The following ZWILCH variants were observed in gnomAD, a reference collection of about 807,000 sequenced individuals.
ZWILCH encodes protein zwilch homolog.
ZWILCH carries 74 observed loss-of-function variants against 79.9 expected under a neutral mutation model. That is an observed-to-expected ratio of 0.93 (90% CI 0.77 to 1.12). ZWILCH has a LOEUF of 1.12. Ranked by LOEUF, ZWILCH falls within the 50% of genes most tolerant of loss-of-function variation. The pLI, the probability that ZWILCH is intolerant of heterozygous loss-of-function variation, is 0.00. For missense variants in ZWILCH, 694 were observed against 687.5 expected (o/e 1.01, Z -0.11); for synonymous variants, 241 against 228.2 (o/e 1.06, Z -0.51).
chr15:66,519,062 T>C lies in ZWILCH; in HGVS notation c.504T>C (p.Tyr168=). The change falls in exon 5 of 19, where the codon TAT becomes TAC. Residue 168 remains tyrosine (Y), a synonymous_variant. Transcript: ENST00000307897. ...TNNSITGIVL[Y]VVSCKADKNY... ...ACAGCATTACAGGAATTGTCTTATA[T>C]GTGGTCAGTTGTAAAGGTGAGTGCT... The C allele has an allele frequency of 6.2e-7, 1 of 1,614,206 alleles. No homozygotes were observed. The highest frequency in any genetic ancestry group is 2.2e-5 in the East Asian group (1 of 44,888).
At chr15:66,513,212 T>A (rs746282826) in intron 2 of ZWILCH, among the ~76,000 whole-genome samples, 2 of 152,204 alleles carry the variant, frequency 1.3e-5, no homozygotes, top group Non-Finnish European at 2.9e-5. Context: ...ATTACAGGCG[T>A]GAGCTACTGT....
intron 5 of ZWILCH, among the ~76,000 whole-genome samples, chr15:66,519,447 T>C (rs1254982501): frequency 6.6e-6 from 1 of 152,228 alleles, no homozygotes; most frequent in African/African-American, 2.4e-5. Flanking sequence ...TTATTTTTTA[T>C]TTGTGTTTAT....
intron 17 of ZWILCH, among the ~76,000 whole-genome samples, 158 bp downstream of exon 17, chr15:66,540,368 A>G (rs1895155547): frequency 6.6e-6 from 1 of 152,114 alleles, no homozygotes; most frequent in Non-Finnish European, 1.5e-5. Flanking sequence ...CCTGGCCAAC[A>G]TGGTGAAACC....
intron 1 of ZWILCH, among the ~76,000 whole-genome samples, chr15:66,506,865 T>C (rs1893847277): frequency 6.6e-6 from 1 of 151,408 alleles, no homozygotes; most frequent in Admixed American, 6.6e-5. Flanking sequence ...TAGACCCTTT[T>C]TTTTTTTTTT....
chr15:66,509,298 C>G (rs923574651), intron 2 of ZWILCH, among the ~76,000 whole-genome samples: 1 of 152,158 alleles, frequency 6.6e-6, no homozygotes, highest in Non-Finnish European at 1.5e-5. Flanking sequence ...TATTTCTATC[C>G]TCTCCAAAAA....
At chr15:66,546,733 T>A (rs1003168015) in intron 18 of ZWILCH, 28 bp downstream of exon 18, 5 of 1,301,570 alleles carry the variant, frequency 3.8e-6, no homozygotes, top group Non-Finnish European at 5.3e-6. Flanking sequence ...TTAGTCTCTT[T>A]GTCAAATACT....
chr15:66,528,808 T>TA (rs144106132), intron 10 of ZWILCH, 44 bp from the exon 11 acceptor site: 35,770 of 1,094,948 alleles, frequency 0.033, 183 homozygotes, highest in African/African-American at 0.098. Flanking sequence ...TTATTTCACT[T>TA]AAAAAAAAAA....
chr15:66,539,132 C>G (rs1246248972), intron 16 of ZWILCH, among the ~76,000 whole-genome samples: 3 of 152,242 alleles, frequency 2.0e-5, no homozygotes, highest in African/African-American at 7.2e-5. Context: ...CATCATTAAT[C>G]TCTATCTAAT....
rs751028896 is a variant in ZWILCH at position 66,532,366 on chromosome 15, G to C, written c.1275G>C (p.Leu425Phe). The change falls in exon 13 of 19, where the codon TTG (leucine) becomes TTC (phenylalanine). Residue 425 changes from leucine (L) to phenylalanine (F), a missense_variant. Physicochemically the swap from Leu to Phe is conservative, Grantham distance 22. Coordinates refer to ENST00000307897, the MANE Select transcript of ZWILCH (RefSeq NM_017975.5). ...IPVQMLLEIG[L>F]DKLKKDYISF... is the part of the protein sequence containing the mutation. Reference sequence around the variant, plus strand: ...TTCAAATGCTTTTGGAAATTGGTTTGGACAAACTAAAGAAAGATTATATCA... The same window carrying C: ...TTCAAATGCTTTTGGAAATTGGTTTCGACAAACTAAAGAAAGATTATATCA... 2 of 1,609,704 alleles carry C rather than the reference G, an allele frequency of 1.2e-6. No individual in the cohort carries two copies. The highest frequency in any genetic ancestry group is 1.7e-5 in the Admixed American group (1 of 59,272).
At chr15:66,531,245 C>T (rs1001784906) in intron 12 of ZWILCH, among the ~76,000 whole-genome samples, 1 of 152,094 alleles carries the variant, frequency 6.6e-6, no homozygotes. Context: ...GCTTGTTTAA[C>T]TGCAGCAGCA....
Position 66,548,625 on chromosome 15 carries a change from G to T in ZWILCH, c.*301G>T, listed in dbSNP as rs566134777. The T allele has an allele frequency of 7.9e-7, 1 of 1,260,038 alleles. No individual in the cohort carries two copies. Among genetic ancestry groups the T allele is most frequent in the Non-Finnish European group, 1.2e-6 (1 of 857,790 alleles). The allele number at this position is 1,260,038 out of a possible 1,614,324, so 78.1% of individuals were successfully genotyped here. ...AGGGCTCTGAAATGACAAAGAGAACGAGCACCACAAATGAGAACAGGATCA... is the reference window on the plus strand; with the variant it reads ...AGGGCTCTGAAATGACAAAGAGAACTAGCACCACAAATGAGAACAGGATCA... On this transcript the variant is annotated 3_prime_UTR_variant, in exon 19 of 19. Transcript: ENST00000307897.
In ZWILCH at chr15:66,505,368, G is replaced by C. The variant is rs775096510; in HGVS notation, c.30G>C (p.Glu10Asp). 6.2e-7 allele frequency: 1 copy of C among 1,614,150 alleles called. No individual in the cohort carries two copies. The highest frequency in any genetic ancestry group is 1.3e-5 in the African/African-American group (1 of 75,066). MWERLNCAA[E>D]DFYSRLLQKF... The stretch of plus-strand genomic sequence containing the variant: ...GGGAGCGGCTGAACTGCGCAGCAGA[G>C]GACTTTTATTCTCGTCTCCTTCAGT... Residue 10 changes from glutamate (E) to aspartate (D), a missense_variant, in exon 1 of 19, where the codon GAG becomes GAC. Physicochemically the swap from Glu to Asp is conservative, Grantham distance 45 (BLOSUM62 2). Coordinates refer to ENST00000307897, the MANE Select transcript of ZWILCH (RefSeq NM_017975.5).
chr15:66,535,263 G>A (rs935267959), intron 14 of ZWILCH, among the ~76,000 whole-genome samples: 3 of 152,054 alleles, frequency 2.0e-5, no homozygotes, highest in African/African-American at 4.8e-5. Flanking sequence ...GGCTCTTTTT[G>A]AGGAATAGTT....
rs1483551708 is a variant in ZWILCH, at chr15:66,546,706, G to T, written c.*26+1G>T. On this transcript the variant is annotated splice_donor_variant, in intron 18 of 18. Coordinates refer to ENST00000307897, the MANE Select transcript of ZWILCH (RefSeq NM_017975.5). LOFTEE classifies it low-confidence loss of function (3UTR_SPLICE). ...GTGTGCTGATGAAGTCCTCTATAAG[G>T]TATTTATGTTCACATTTTAGTCTCT... 1.3e-6 allele frequency: 2 copies of T among 1,505,506 alleles called. No individual in the cohort carries two copies. The highest frequency in any genetic ancestry group is 1.4e-5 in the African/African-American group (1 of 72,056). 93.3% of individuals were successfully genotyped at this position (1,505,506 alleles called of 1,614,324 possible).
At chr15:66,533,060 C>T (rs940699492) in intron 14 of ZWILCH, 47 bp downstream of exon 14, 3 of 1,386,726 alleles carry the variant, frequency 2.2e-6, no homozygotes, top group Non-Finnish European at 3.0e-6. Context: ...TTTATTCAGT[C>T]ATTCTGTGTG....
chr15:66,549,877 C>T lies in ZWILCH; in HGVS notation c.*1553C>T. 1 of 474,708 alleles carries T rather than the reference C, an allele frequency of 2.1e-6. No homozygotes were observed. The highest frequency in any genetic ancestry group is 2.0e-5 in the African/African-American group (1 of 49,468). 29.4% of individuals were successfully genotyped at this position (474,708 alleles called of 1,614,324 possible). On this transcript the variant is annotated 3_prime_UTR_variant, in exon 19 of 19. Transcript: ENST00000307897. ...ATGGTAGATTAAATGCTTTAAAATG[C>T]TTATAAATAGAAATTTGACATTGCT...
intron 2 of ZWILCH, among the ~76,000 whole-genome samples, chr15:66,513,658 G>A (rs951205500): frequency 6.7e-6 from 1 of 150,290 alleles, no homozygotes; most frequent in Non-Finnish European, 1.5e-5. Context: ...TGCAAGCCCC[G>A]CCTCCCGGGT....
intron 4 of ZWILCH, 58 bp downstream of exon 4, chr15:66,515,702 T>G (rs1894226241): frequency 1.6e-6 from 2 of 1,233,616 alleles, no homozygotes; most frequent in Non-Finnish European, 2.4e-6. Flanking sequence ...TGAAACATTC[T>G]TATAAACGTT....
chr15:66,527,596 G>C (rs1006210588), intron 9 of ZWILCH, among the ~76,000 whole-genome samples: 1 of 151,864 alleles, frequency 6.6e-6, no homozygotes, highest in Non-Finnish European at 1.5e-5. Flanking sequence ...GAGATTGAAG[G>C]AAAAAAGAGA....
Sources: gnomAD v4.1 joint callset for allele counts (sites outside exome capture counted in the v4.1 genomes callset) on GRCh38, gnomAD v4.1.1 for gene constraint, MANE v1.5 for transcripts, NCBI Gene and HGNC (gene_info 2026-07-23, HGNC 2026-07-21) for gene names.